SYNJ2: variants seen among roughly 807,000 people sequenced by gnomAD.
The protein encoded by SYNJ2 is synaptojanin 2.
A neutral mutation model predicts 141.3 loss-of-function variants in SYNJ2; 116 were observed. The observed-to-expected ratio is 0.82, with a 90% CI of 0.71 to 0.96. The LOEUF (loss-of-function observed/expected upper bound fraction) is 0.96, where lower values mean the gene tolerates loss of function less well. SYNJ2 is among the 40% of genes least tolerant of loss of function. SYNJ2 has a pLI of 0.00. For missense variants in SYNJ2, 1,873 were observed against 1,934.8 expected, an observed-to-expected ratio of 0.97 and a Z score of 0.60; for synonymous variants, 745 against 777.7, an observed-to-expected ratio of 0.96 and a Z score of 0.70.
chr6:158,054,808 A>G (rs1293467550), intron 5 of SYNJ2, among the ~76,000 whole-genome samples, 159 bp from the exon 6 acceptor site: 2 of 152,240 alleles, frequency 1.3e-5, no homozygotes, highest in African/African-American at 2.4e-5. Flanking sequence ...AGCTGAATCC[A>G]GAGAGCTCAG....
At position 158,040,565 on chromosome 6, in the gene SYNJ2, G is replaced by A. The variant is rs1279547139; in HGVS notation, c.712-2751G>A. ...AAAAAAGGATGTAAGATAAATATTT[G>A]GCTATTCAAGATAAGGCCACTGACT... On this transcript the variant is annotated intron_variant, in intron 4 of 26. Coordinates refer to ENST00000355585, the MANE Select transcript of SYNJ2 (RefSeq NM_003898.4). The surrounding 1 kb of genome is among the most constrained non-coding windows in gnomAD (Gnocchi z 4.2). Among the ~76,000 whole-genome samples, 1 of 151,994 alleles carries A rather than the reference G, an allele frequency of 6.6e-6. No individual in the cohort carries two copies. Among genetic ancestry groups the A allele is most frequent in the Non-Finnish European group, 1.5e-5 (1 of 67,998 alleles).
Position 158,059,285 on chromosome 6 carries a change from G to C in SYNJ2, c.886G>C (p.Gly296Arg), listed in dbSNP as rs374124975. 7.7e-6 allele frequency: 12 copies of C among 1,550,420 alleles called. No homozygotes were observed. The highest frequency in any genetic ancestry group is 2.0e-5 in the Admixed American group (1 of 51,024). The part of the protein sequence containing the change: ...RHMVLLKEQY[G>R]QQVVVNLLGS... The stretch of plus-strand genomic sequence containing the variant: ...CATGGTGCTTCTGAAGGAGCAGTAC[G>C]GGCAGCAGGTGGTCGTGAACCTTCT... Residue 296 changes from glycine (G) to arginine (R), a missense_variant, in exon 7 of 27, where the codon GGG (glycine) becomes CGG (arginine). Physicochemically the swap from Gly to Arg is moderately radical, Grantham distance 125. Transcript: ENST00000355585.
intron 4 of SYNJ2, among the ~76,000 whole-genome samples, chr6:158,038,790 G>A (rs1343595774): frequency 2.6e-5 from 4 of 152,236 alleles, no homozygotes; most frequent in Non-Finnish European, 5.9e-5. Flanking sequence ...TGGTACTTCC[G>A]ATAGGTGGTG....
At chr6:157,999,703 G>A (rs1777764838) in intron 1 of SYNJ2, among the ~76,000 whole-genome samples, 1 of 152,206 alleles carries the variant, frequency 6.6e-6, no homozygotes, top group Non-Finnish European at 1.5e-5. Flanking sequence ...AAGGCATCCT[G>A]CTTCTAAAGG....
chr6:158,068,498 G>T, intron 12 of SYNJ2, 149 bp from the exon 13 acceptor site: 1 of 781,900 alleles, frequency 1.3e-6, no homozygotes, highest in Non-Finnish European at 2.1e-6. Context: ...GATTCCACTG[G>T]GGCAGTTCCC....
rs139432205 is a variant in SYNJ2, at chr6:158,063,493, T to C, written c.1128-298T>C. Among the ~76,000 whole-genome samples the C allele has an allele frequency of 6.5e-3, 981 of 151,964 alleles. 9 individuals carry two copies. The highest frequency in any genetic ancestry group is 6.7e-3 in the Non-Finnish European group (453 of 67,928). On this transcript the variant is annotated intron_variant, in intron 8 of 26. Coordinates refer to ENST00000355585, the MANE Select transcript of SYNJ2 (RefSeq NM_003898.4). Reference sequence around the variant, plus strand: ...GGCCAATGTGGTGAAACACCGTCTGTACTAAAAATACAAAAATTAGCCGGG... The same window carrying C: ...GGCCAATGTGGTGAAACACCGTCTGCACTAAAAATACAAAAATTAGCCGGG...
chr6:158,098,279 T>G lies in SYNJ2; in HGVS notation c.*1915T>G, dbSNP rs938803614. The G allele has an allele frequency of 6.6e-6, 1 of 152,200 alleles. No individual in the cohort carries two copies. The highest frequency in any genetic ancestry group is 1.5e-5 in the Non-Finnish European group (1 of 68,040). 9.4% of individuals were successfully genotyped at this position (152,200 alleles called of 1,614,324 possible). A position where few individuals can be genotyped will look rare whatever the true frequency, so the allele number is the denominator to read the frequency against. ...ATAGATCTCATTTTTAGGTTTTCTC[T>G]TCGTTCCAGATACCAAATAAATGGG... On this transcript the variant is annotated 3_prime_UTR_variant, in exon 27 of 27. Coordinates refer to ENST00000355585, the MANE Select transcript of SYNJ2 (RefSeq NM_003898.4).
intron 23 of SYNJ2, among the ~76,000 whole-genome samples, chr6:158,088,034 ATTTTTTTTTTTTTTTTTTTTTTTT>A (rs568222551): frequency 6.6e-4 from 21 of 31,918 alleles, no homozygotes; most frequent in Admixed American, 5.3e-3. Flanking sequence ...CTGCTTTGGA[ATTTTTTTTTTTTTTTTTTTTTTTT>A]TTTTTTTTTT....
rs1446100022 is a variant in SYNJ2, at chr6:158,064,968, T to A, written c.1502T>A (p.Leu501Gln). ...GAGGTGGCAGACAAAGGGGGCATGC[T>A]GCTGGACAGCACGGCGCTCCTGGGT... ...GEEVADKGGM[L>Q]LDSTALLVTP... The change falls in exon 11 of 27, where the codon CTG (leucine) becomes CAG (glutamine). Residue 501 changes from leucine (L) to glutamine (Q), a missense_variant. Physicochemically the swap from Leu to Gln is moderately radical, Grantham distance 113. Transcript: ENST00000355585. 7 of 1,602,572 alleles carry A rather than the reference T, an allele frequency of 4.4e-6. No individual in the cohort carries two copies. The highest frequency in any genetic ancestry group is 6.0e-6 in the Non-Finnish European group (7 of 1,174,058).
chr6:157,982,099 G>C lies in SYNJ2; in HGVS notation c.127+11G>C. The stretch of plus-strand genomic sequence containing the variant: ...CGGTGGCCACGCTGGGTGAGTCCGG[G>C]CCGGGGGCAGCGACGCCCGGAGGAG... On this transcript the variant is annotated intron_variant, in intron 1 of 26. Coordinates refer to ENST00000355585, the MANE Select transcript of SYNJ2 (RefSeq NM_003898.4). This position sits in a 1 kb window ranked among gnomAD's most constrained non-coding sequence, Gnocchi z 4.0. 7.6e-7 allele frequency: 1 copy of C among 1,316,386 alleles called. No homozygotes were observed. The highest frequency in any genetic ancestry group is 9.7e-7 in the Non-Finnish European group (1 of 1,034,270). 81.5% of individuals were successfully genotyped at this position (1,316,386 alleles called of 1,614,324 possible). A position where few individuals can be genotyped will look rare whatever the true frequency, so the allele number is the denominator to read the frequency against.
chr6:158,019,625 C>G (rs947501473), intron 2 of SYNJ2, among the ~76,000 whole-genome samples: 2 of 148,280 alleles, frequency 1.3e-5, no homozygotes, highest in African/African-American at 2.4e-5. Context: ...CCCGCCACCC[C>G]ACACCCCACA....
chr6:158,045,416 G>A (rs1780185837), intron 5 of SYNJ2, among the ~76,000 whole-genome samples: 1 of 152,102 alleles, frequency 6.6e-6, no homozygotes, highest in Non-Finnish European at 1.5e-5. Context: ...AGCCAGGCCA[G>A]TTCAGGGATC....
intron 19 of SYNJ2, 22 bp from the exon 20 acceptor site, chr6:158,081,410 C>T (rs775376575): frequency 1.5e-5 from 24 of 1,613,786 alleles, no homozygotes; most frequent in Non-Finnish European, 2.0e-5. Context: ...TTGGCATTGA[C>T]TTGGAGTATC....
intron 5 of SYNJ2, among the ~76,000 whole-genome samples, chr6:158,050,628 G>A (rs777617710): frequency 3.3e-5 from 5 of 152,140 alleles, no homozygotes; most frequent in Admixed American, 6.5e-5. Context: ...GCCCCTGTCC[G>A]GGCTGTGCCT....
chr6:158,052,330 CGTT>C (rs1761679888), intron 5 of SYNJ2, among the ~76,000 whole-genome samples: 1 of 152,200 alleles, frequency 6.6e-6, no homozygotes, highest in South Asian at 2.1e-4. Context: ...TTGCCACACA[CGTT>C]ATTATTTTTT....
chr6:158,027,103 G>T lies in SYNJ2; in HGVS notation c.215-1653G>T, dbSNP rs757037976. ...AGCCCTGAGCGCTCATTAAAGGAAC[G>T]CACTTTAATGACAGCCACACGCCAC... is the stretch of plus-strand genomic sequence containing the variant. On this transcript the variant is annotated intron_variant, in intron 2 of 26. Transcript: ENST00000355585. This position sits in a 1 kb window ranked among gnomAD's most constrained non-coding sequence, Gnocchi z 4.6. 1.0e-6 allele frequency: 1 copy of T among 985,338 alleles called. No homozygotes were observed. The highest frequency in any genetic ancestry group is 4.7e-5 in the South Asian group (1 of 21,276). The allele number at this position is 985,338 out of a possible 1,614,324, so 61.0% of individuals were successfully genotyped here. A position where few individuals can be genotyped will look rare whatever the true frequency, so the allele number is the denominator to read the frequency against.
chr6:158,016,392 G>C (rs541940236), intron 1 of SYNJ2, among the ~76,000 whole-genome samples: 40 of 152,298 alleles, frequency 2.6e-4, no homozygotes, highest in African/African-American at 8.7e-4. Flanking sequence ...GGGGTTACAG[G>C]TTACAAAGTA....
chr6:158,010,163 T>C (rs1778213077), intron 1 of SYNJ2, among the ~76,000 whole-genome samples: 1 of 152,204 alleles, frequency 6.6e-6, no homozygotes, highest in African/African-American at 2.4e-5. Flanking sequence ...GAAGCAATCC[T>C]CCTGCCTTGG....
chr6:158,088,565 TG>T, intron 23 of SYNJ2, 94 bp from the exon 24 acceptor site: 2 of 884,392 alleles, frequency 2.3e-6, no homozygotes, highest in South Asian at 1.4e-5. Flanking sequence ...TGTGGTCTGC[TG>T]GGACATCCGC....
Sources: gnomAD v4.1 joint callset for allele counts (sites outside exome capture counted in the v4.1 genomes callset) on GRCh38, gnomAD v4.1.1 for gene constraint, Gnocchi (gnomAD v3.1) non-coding constraint, MANE v1.5 for transcripts, NCBI Gene and HGNC (gene_info 2026-07-23, HGNC 2026-07-21) for gene names.